NPAS3: variants seen among roughly 807,000 people sequenced by gnomAD.
The protein encoded by NPAS3 is neuronal PAS domain-containing protein 3.
Under a neutral mutation model 73.1 loss-of-function variants are expected in NPAS3, and 14 were observed. The observed-to-expected ratio is 0.19, with a 90% CI of 0.13 to 0.30. The LOEUF (loss-of-function observed/expected upper bound fraction) is 0.30. NPAS3 is among the 10% of genes least tolerant of loss of function. The pLI, the probability that NPAS3 is intolerant of heterozygous loss-of-function variation, is 1.00. For synonymous variants in NPAS3, 620 were observed against 541.5 expected, an observed-to-expected ratio of 1.14 and a Z score of -2.01; for missense variants, 1,096 against 1,250.0, an observed-to-expected ratio of 0.88 and a Z score of 1.86.
At chr14:33,159,553 C>CTTTTTTTTT (rs11389432) in intron 2 of NPAS3, among the ~76,000 whole-genome samples, 1 of 121,410 alleles carries the variant, frequency 8.2e-6, no homozygotes, top group East Asian at 2.4e-4. Context: ...TTATAATGAG[C>CTTTTTTTTT]TTTTTTTTTT....
intron 1 of NPAS3, among the ~76,000 whole-genome samples, chr14:32,951,298 G>T (rs111681977): frequency 0.025 from 3,741 of 151,960 alleles, 146 homozygotes; most frequent in African/African-American, 0.085. Context: ...ATTATAAATG[G>T]CAGATTGTTT....
chr14:33,724,223 G>T (rs182012066), intron 6 of NPAS3, among the ~76,000 whole-genome samples: 1 of 152,224 alleles, frequency 6.6e-6, no homozygotes, highest in Admixed American at 6.5e-5. Context: ...CATTCAGATT[G>T]ATCAGGAAAA....
At chr14:33,718,563 T>C (rs2061018351) in intron 6 of NPAS3, among the ~76,000 whole-genome samples, 1 of 152,178 alleles carries the variant, frequency 6.6e-6, no homozygotes, top group African/African-American at 2.4e-5. Flanking sequence ...CACACCTGAA[T>C]TTCAAGAACA....
intron 4 of NPAS3, among the ~76,000 whole-genome samples, chr14:33,420,802 AT>A (rs111505606): frequency 6.6e-6 from 1 of 152,074 alleles, no homozygotes; most frequent in African/African-American, 2.4e-5. Context: ...ATCAGAGCCC[AT>A]CATTCAACAA....
At chr14:33,588,060 T>A (rs1372977788) in intron 5 of NPAS3, among the ~76,000 whole-genome samples, 2 of 152,250 alleles carry the variant, frequency 1.3e-5, no homozygotes, top group East Asian at 3.8e-4. Flanking sequence ...CCCTATCATG[T>A]AATTACTGTT....
intron 2 of NPAS3, among the ~76,000 whole-genome samples, chr14:33,147,988 A>G (rs953675725): frequency 6.6e-6 from 1 of 152,036 alleles, no homozygotes; most frequent in Non-Finnish European, 1.5e-5. Flanking sequence ...GAACATATTC[A>G]GTTACACCAA....
intron 5 of NPAS3, among the ~76,000 whole-genome samples, chr14:33,607,449 G>T (rs2057607148): frequency 6.6e-6 from 1 of 151,780 alleles, no homozygotes; most frequent in Admixed American, 6.6e-5. Flanking sequence ...AAAATTCTAG[G>T]AAATGCAAGT....
At chr14:33,445,477 C>A (rs2049444191) in intron 4 of NPAS3, among the ~76,000 whole-genome samples, 1 of 152,174 alleles carries the variant, frequency 6.6e-6, no homozygotes, top group Middle Eastern at 3.2e-3. Context: ...ATACACATTT[C>A]CTGATCTTTA....
chr14:33,568,334 G>T (rs1341934618), intron 5 of NPAS3, among the ~76,000 whole-genome samples: 1 of 152,154 alleles, frequency 6.6e-6, no homozygotes, highest in African/African-American at 2.4e-5. Context: ...GCAATATAAT[G>T]TCCCTGGTTT....
intron 4 of NPAS3, among the ~76,000 whole-genome samples, chr14:33,411,984 A>G (rs191903293): frequency 2.4e-4 from 36 of 152,286 alleles, no homozygotes; most frequent in Middle Eastern, 3.4e-3. Context: ...GTATAACTCA[A>G]TGTACAATGT....
chr14:33,336,310 T>C (rs1411777647), intron 3 of NPAS3, among the ~76,000 whole-genome samples: 1 of 152,164 alleles, frequency 6.6e-6, no homozygotes, highest in East Asian at 1.9e-4. Context: ...TAAACTTGCA[T>C]GGGACTGCAG....
chr14:33,658,783 T>C (rs1444108867), intron 5 of NPAS3, among the ~76,000 whole-genome samples: 2 of 152,170 alleles, frequency 1.3e-5, no homozygotes, highest in African/African-American at 4.8e-5. Context: ...TGGTTCAGCA[T>C]GAGACCCATC....
At chr14:33,320,404 G>A (rs150627678) in intron 3 of NPAS3, among the ~76,000 whole-genome samples, 8 of 152,066 alleles carry the variant, frequency 5.3e-5, no homozygotes, top group Admixed American at 1.3e-4. Flanking sequence ...AAATCTGCAC[G>A]TTGTGCACGT....
intron 3 of NPAS3, among the ~76,000 whole-genome samples, chr14:33,243,434 T>C (rs1002841539): frequency 5.9e-5 from 9 of 152,290 alleles, no homozygotes; most frequent in African/African-American, 2.2e-4. Flanking sequence ...GAGGTCTTGA[T>C]AAAACATTGC....
chr14:33,403,117 G>A (rs935294509), intron 4 of NPAS3, among the ~76,000 whole-genome samples: 2 of 151,968 alleles, frequency 1.3e-5, no homozygotes, highest in Admixed American at 6.6e-5. Context: ...TTCAATACCA[G>A]TTTTCATTTT....
rs147168308 is a variant in NPAS3, at chr14:32,939,461, C to T, written c.50+95C>T. The T allele has an allele frequency of 7.1e-3, 2,215 of 313,052 alleles. 50 individuals are homozygous for T. Among genetic ancestry groups the T allele is most frequent in the African/African-American group, 0.042 (1,843 of 43,814 alleles). 19.4% of individuals were successfully genotyped at this position (313,052 alleles called of 1,614,324 possible). On this transcript the variant is annotated intron_variant, in intron 1 of 11. Transcript: ENST00000356141. Reference sequence around the variant, plus strand: ...GGGCCCCTCTCCGCAGCCCGCCCGCCTCCTGGGCCGCGAGCCCGCGGGGAC... The same window carrying T: ...GGGCCCCTCTCCGCAGCCCGCCCGCTTCCTGGGCCGCGAGCCCGCGGGGAC...
chr14:33,480,219 AC>A (rs2051246935), intron 4 of NPAS3, among the ~76,000 whole-genome samples: 1 of 152,220 alleles, frequency 6.6e-6, no homozygotes, highest in Non-Finnish European at 1.5e-5. Context: ...ATTAGAAGAT[AC>A]ATTTTAAGAA....
chr14:33,223,589 T>C (rs1382553632), intron 3 of NPAS3, among the ~76,000 whole-genome samples: 1 of 152,186 alleles, frequency 6.6e-6, no homozygotes, highest in East Asian at 1.9e-4. Flanking sequence ...AATGATTACT[T>C]ACTGTCTAAT....
At chr14:33,519,343 C>G (rs894064032) in intron 4 of NPAS3, among the ~76,000 whole-genome samples, 4 of 152,090 alleles carry the variant, frequency 2.6e-5, no homozygotes, top group Non-Finnish European at 5.9e-5. Context: ...CCCAGCTTCC[C>G]CTCTGCTTCC....
Sources: allele counts gnomAD v4.1 joint callset (sites outside exome capture counted in the v4.1 genomes callset), GRCh38; gene constraint gnomAD v4.1.1; transcripts MANE v1.5; gene names NCBI Gene and HGNC (gene_info 2026-07-23, HGNC 2026-07-21).